Variants in VTCN1 observed in about 807,000 individuals in gnomAD.
VTCN1 encodes V-set domain containing T cell activation inhibitor 1.
A neutral mutation model predicts 26.5 loss-of-function variants in VTCN1; 26 were observed. That is an observed-to-expected ratio of 0.98 (90% CI 0.72 to 1.36). The LOEUF (loss-of-function observed/expected upper bound fraction) is 1.36. Ranked by LOEUF, VTCN1 falls within the 40% of genes most tolerant of loss-of-function variation. VTCN1 has a pLI of 0.00. For synonymous variants in VTCN1, 116 were observed against 130.7 expected (o/e 0.89, Z 0.77); for missense variants, 298 against 337.7 (o/e 0.88, Z 0.92).
intron 4 of VTCN1, among the ~76,000 whole-genome samples, chr1:117,150,175 T>C (rs1006575505): frequency 1.3e-5 from 2 of 152,218 alleles, no homozygotes; most frequent in African/African-American, 4.8e-5. Flanking sequence ...ACTGCCTCAT[T>C]GGCCTAGGTA....
intron 2 of VTCN1, among the ~76,000 whole-genome samples, chr1:117,168,058 A>G (rs1162371660): frequency 1.3e-5 from 2 of 152,176 alleles, no homozygotes; most frequent in Non-Finnish European, 2.9e-5. Flanking sequence ...TAGGAAATCA[A>G]TATTAGAACG....
In VTCN1 at chr1:117,156,449, G is replaced by T. The variant is rs1332854721; in HGVS notation, c.445+125C>A. The T allele has an allele frequency of 2.3e-5, 25 of 1,085,296 alleles. No individual in the cohort carries two copies. The East Asian group carries it at 6.1e-4, about 26-fold the overall frequency. The allele number at this position is 1,085,296 out of a possible 1,614,324, so 67.2% of individuals were successfully genotyped here. A position where few individuals can be genotyped will look rare whatever the true frequency, so the allele number is the denominator to read the frequency against. On this transcript the variant is annotated intron_variant, in intron 3 of 5. Coordinates refer to ENST00000369458, the MANE Select transcript of VTCN1 (RefSeq NM_024626.4). The stretch of plus-strand genomic sequence containing the variant: ...TCTTGGCCATAAAATGGCAAAAACA[G>T]CTGTTAGCAGAATTGGGAGCATCAT...
intron 1 of VTCN1, among the ~76,000 whole-genome samples, chr1:117,174,237 ACC>A (rs1275523289): frequency 6.6e-6 from 1 of 152,220 alleles, no homozygotes; most frequent in Non-Finnish European, 1.5e-5. Flanking sequence ...TACTTTTGGT[ACC>A]CACTCATTAC....
At chr1:117,195,954 C>T (rs111534836) in intron 1 of VTCN1, among the ~76,000 whole-genome samples, 2,041 of 152,112 alleles carry the variant, frequency 0.013, 38 homozygotes, top group African/African-American at 0.047. Flanking sequence ...GGTTTGAGAC[C>T]AATTTGGGCA....
At position 117,144,556 on chromosome 1, in the gene VTCN1, A is replaced by ATGTT. The variant is rs1305197739; in HGVS notation, c.*714_*715insAACA. 1.3e-5 allele frequency: 2 copies of ATGTT among 152,232 alleles called. No individual in the cohort carries two copies. Among genetic ancestry groups the ATGTT allele is most frequent in the Admixed American group, 6.5e-5 (1 of 15,286 alleles). The allele number at this position is 152,232 out of a possible 1,614,324, so 9.4% of individuals were successfully genotyped here. A position where few individuals can be genotyped will look rare whatever the true frequency, so the allele number is the denominator to read the frequency against. On this transcript the variant is annotated 3_prime_UTR_variant, in exon 6 of 6. Coordinates refer to ENST00000369458, the MANE Select transcript of VTCN1 (RefSeq NM_024626.4). ...TTCACGGATGAACATCATCTGAGAA[A>ATGTT]TAAACCCGCATTTGTTTGTTTAAAA...
intron 2 of VTCN1, among the ~76,000 whole-genome samples, chr1:117,158,507 G>T (rs1274745033): frequency 6.6e-6 from 1 of 152,172 alleles, no homozygotes; most frequent in Non-Finnish European, 1.5e-5. Context: ...AAGTCCCTAG[G>T]CTGCACACAG....
intron 1 of VTCN1, 61 bp downstream of exon 1, chr1:117,210,763 C>T (rs898050742): frequency 6.3e-7 from 1 of 1,579,032 alleles, no homozygotes. Context: ...GCTCAGCATC[C>T]CCAAAAGACC....
rs71582595 is a variant in VTCN1, at chr1:117,210,212, TCAGCAGCAG to T, written c.32+603_32+611del. 5.5e-3 allele frequency among the ~76,000 whole-genome samples: 831 copies of T among 150,234 alleles called. 9 individuals are homozygous for T. Among genetic ancestry groups the T allele is most frequent in the African/African-American group, 0.017 (675 of 40,874 alleles). On this transcript the variant is annotated intron_variant, in intron 1 of 5. Coordinates refer to ENST00000369458, the MANE Select transcript of VTCN1 (RefSeq NM_024626.4). ...GCTTCCTTCTTCCTCTCTGGGGAGT[TCAGCAGCAG>T]CAGCAGCAGCAGCAGCAGCAGCAAG...
At chr1:117,157,509 A>T (rs1652149670) in intron 2 of VTCN1, among the ~76,000 whole-genome samples, 2 of 152,154 alleles carry the variant, frequency 1.3e-5, no homozygotes, top group South Asian at 4.2e-4. Flanking sequence ...ACCAGATCTC[A>T]TTAGACTTAC....
rs1269143461 is a variant in VTCN1 at position 117,175,770 on chromosome 1, TCTC to T, written c.33-5602_33-5600del. ...AGAGATACCTATCTCTCTCTCTCTC[TCTC>T]TTTTTTTTTTTTTTTGAGATGGAGT... On this transcript the variant is annotated intron_variant, in intron 1 of 5. Coordinates refer to ENST00000369458, the MANE Select transcript of VTCN1 (RefSeq NM_024626.4). The surrounding 1 kb of genome is among the most constrained non-coding windows in gnomAD (Gnocchi z 4.2). Among the ~76,000 whole-genome samples the T allele has an allele frequency of 1.7e-4, 14 of 84,610 alleles. No homozygotes were observed. The South Asian group carries it at 2.2e-3, about 13-fold the overall frequency. The allele number at this position is 84,610 out of a possible 152,430, so 55.5% of individuals were successfully genotyped here.
intron 1 of VTCN1, among the ~76,000 whole-genome samples, chr1:117,208,888 C>G (rs547361883): frequency 6.6e-6 from 1 of 152,124 alleles, no homozygotes; most frequent in Non-Finnish European, 1.5e-5. Context: ...CTTTCATGAG[C>G]GTTCCAACAT....
chr1:117,156,555 C>A lies in VTCN1; in HGVS notation c.445+19G>T. The stretch of plus-strand genomic sequence containing the variant: ...ATACTTTTGGTGCTTTAAAAAATCT[C>A]TCTCCAAAAGTAACTCACCTCCAGT... On this transcript the variant is annotated intron_variant, in intron 3 of 5. Transcript: ENST00000369458. 6.5e-7 allele frequency: 1 copy of A among 1,534,392 alleles called. No homozygotes were observed. Among genetic ancestry groups the A allele is most frequent in the South Asian group, 1.3e-5 (1 of 78,248 alleles).
chr1:117,190,985 T>C (rs1480729322), intron 1 of VTCN1, among the ~76,000 whole-genome samples: 1 of 151,964 alleles, frequency 6.6e-6, no homozygotes, highest in Admixed American at 6.6e-5. Flanking sequence ...AGAAGCTCAA[T>C]GAGATGCACA....
chr1:117,154,800 A>AG (rs909051688), intron 3 of VTCN1, among the ~76,000 whole-genome samples: 32 of 150,700 alleles, frequency 2.1e-4, no homozygotes, highest in Non-Finnish European at 8.9e-5. Flanking sequence ...AAAAAAAAAA[A>AG]AAAGAAAGAA....
At position 117,153,186 on chromosome 1, in the gene VTCN1, A is replaced by T; in HGVS notation, c.629T>A (p.Val210Asp). 1 of 1,614,146 alleles carries T rather than the reference A, an allele frequency of 6.2e-7. No homozygotes were observed. The highest frequency in any genetic ancestry group is 1.1e-5 in the South Asian group (1 of 91,088). ...ELNSENVTMK[V>D]VSVLYNVTIN... ...CGTAACATTGTAGAGCACAGACACA[A>T]CCTTCATGGTCACATTCTCAGAGTT... is the stretch of plus-strand genomic sequence containing the variant. Residue 210 changes from valine (V) to aspartate (D), a missense_variant, in exon 4 of 6, where the codon GTT becomes GAT. By Grantham distance (152) the Val-to-Asp change is radical. Transcript: ENST00000369458.
rs2101531153 is a variant in VTCN1, at chr1:117,173,342, AAG to A, written c.33-3173_33-3172del. 5.4e-6 allele frequency: 3 copies of A among 555,780 alleles called. 1 individual carries two copies. The South Asian group carries it at 6.3e-5, about 12-fold the overall frequency. 34.4% of individuals were successfully genotyped at this position (555,780 alleles called of 1,614,324 possible). On this transcript the variant is annotated intron_variant, in intron 1 of 5. Transcript: ENST00000369458. Reference sequence around the variant, plus strand: ...CCAATATGGCTGGTGTCCTTATAAAAAGGGGAAATTTGGACACAGATGAACAC... The same window carrying A: ...CCAATATGGCTGGTGTCCTTATAAAAGGGAAATTTGGACACAGATGAACAC...
At chr1:117,193,205 G>A (rs1648335148) in intron 1 of VTCN1, among the ~76,000 whole-genome samples, 1 of 152,030 alleles carries the variant, frequency 6.6e-6, no homozygotes, top group Non-Finnish European at 1.5e-5. Context: ...TGGGGGAGTG[G>A]TTCCTGGAAC....
intron 1 of VTCN1, among the ~76,000 whole-genome samples, chr1:117,207,472 ATGTTGG>A (rs1210515171): frequency 6.6e-6 from 1 of 151,422 alleles, no homozygotes; most frequent in African/African-American, 2.4e-5. Flanking sequence ...CCACCCTTGA[ATGTTGG>A]TGTTCTTCAG....
intron 1 of VTCN1, among the ~76,000 whole-genome samples, chr1:117,193,312 T>C (rs1383047257): frequency 6.6e-6 from 1 of 152,132 alleles, no homozygotes; most frequent in African/African-American, 2.4e-5. Context: ...GACAGAATGA[T>C]TGAACAGATT....
Sources: gnomAD v4.1 joint callset for allele counts (sites outside exome capture counted in the v4.1 genomes callset) on GRCh38, gnomAD v4.1.1 for gene constraint, Gnocchi (gnomAD v3.1) non-coding constraint, MANE v1.5 for transcripts, NCBI Gene and HGNC (gene_info 2026-07-23, HGNC 2026-07-21) for gene names.